The following LTBP1 variants were observed in gnomAD, a reference collection of about 807,000 sequenced individuals.
The protein encoded by LTBP1 is latent transforming growth factor beta binding protein 1, also known as latent-transforming growth factor beta-binding protein 1.
Under a neutral mutation model 207.6 loss-of-function variants are expected in LTBP1, and 129 were observed. That is an observed-to-expected ratio of 0.62 (90% confidence interval 0.54 to 0.72). The LOEUF (loss-of-function observed/expected upper bound fraction) is 0.72, where lower values mean the gene tolerates loss of function less well. Ranked by LOEUF, LTBP1 falls within the 30% of genes least tolerant of loss-of-function variation. The pLI, the probability that LTBP1 is intolerant of heterozygous loss-of-function variation, is 0.00. For synonymous variants in LTBP1, 963 were observed against 833.7 expected, an observed-to-expected ratio of 1.16 and a Z score of -2.67; for missense variants, 2,281 against 2,217.2, an observed-to-expected ratio of 1.03 and a Z score of -0.58.
intron 10 of LTBP1, among the ~76,000 whole-genome samples, chr2:33,247,452 C>T (rs963185572): frequency 2.6e-5 from 4 of 152,128 alleles, no homozygotes; most frequent in Admixed American, 2.6e-4. Flanking sequence ...AATTATAGCC[C>T]ATGGGAAAAA....
chr2:33,345,068 C>G (rs1210911454), intron 25 of LTBP1, among the ~76,000 whole-genome samples: 2 of 152,142 alleles, frequency 1.3e-5, no homozygotes, highest in African/African-American at 2.4e-5. Context: ...TTTATTATTT[C>G]AAAAATATTT....
chr2:32,983,034 A>G (rs778860865), intron 2 of LTBP1, among the ~76,000 whole-genome samples: 1 of 152,206 alleles, frequency 6.6e-6, no homozygotes, highest in Non-Finnish European at 1.5e-5. Flanking sequence ...AGCTTGCACC[A>G]TGTGCCTGGA....
chr2:33,335,397 G>A (rs553380887), intron 24 of LTBP1, among the ~76,000 whole-genome samples: 3 of 152,048 alleles, frequency 2.0e-5, no homozygotes, highest in South Asian at 2.1e-4. Context: ...CAGGGATGTC[G>A]TCTGCTGTTT....
chr2:33,090,844 G>A (rs1316720659), intron 3 of LTBP1, among the ~76,000 whole-genome samples: 2 of 152,208 alleles, frequency 1.3e-5, no homozygotes, highest in Non-Finnish European at 2.9e-5. Flanking sequence ...GAGAGGGAAG[G>A]CACTTGCTGG....
intron 4 of LTBP1, among the ~76,000 whole-genome samples, chr2:33,115,105 TACACAC>T (rs60973498): frequency 6.9e-6 from 1 of 144,006 alleles, no homozygotes; most frequent in African/African-American, 2.7e-5. Context: ...CACATATATG[TACACAC>T]ACACACACAT....
intron 31 of LTBP1, among the ~76,000 whole-genome samples, chr2:33,384,194 T>C (rs2095246070): frequency 6.6e-6 from 1 of 152,232 alleles, no homozygotes; most frequent in African/African-American, 2.4e-5. Flanking sequence ...GGATAATTTT[T>C]AAACCTTTTC....
At chr2:33,207,652 C>T (rs1291331329) in intron 7 of LTBP1, among the ~76,000 whole-genome samples, 1 of 152,218 alleles carries the variant, frequency 6.6e-6, no homozygotes, top group African/African-American at 2.4e-5. Context: ...GCCAGTTCTG[C>T]ATTGTACAGT....
chr2:33,262,851 A>C, intron 14 of LTBP1, 30 bp downstream of exon 14: 1 of 1,488,454 alleles, frequency 6.7e-7, no homozygotes, highest in East Asian at 2.3e-5. Flanking sequence ...GCTGTTTGTC[A>C]GAGTATTCTG....
At chr2:33,254,865 T>G (rs1409267293) in intron 11 of LTBP1, among the ~76,000 whole-genome samples, 6 of 113,666 alleles carry the variant, frequency 5.3e-5, no homozygotes, top group South Asian at 6.2e-4. Context: ...TTTTTTTTTT[T>G]TTTTTTTTTT....
intron 3 of LTBP1, among the ~76,000 whole-genome samples, chr2:33,085,695 A>T (rs1465170913): frequency 6.6e-6 from 1 of 152,196 alleles, no homozygotes; most frequent in Non-Finnish European, 1.5e-5. Context: ...GCATAAGATC[A>T]TATGCTTACA....
chr2:33,334,248 G>A (rs1429878945), intron 24 of LTBP1, among the ~76,000 whole-genome samples: 1 of 152,228 alleles, frequency 6.6e-6, no homozygotes, highest in African/African-American at 2.4e-5. Context: ...AATAGAGAGG[G>A]AAAGAAGGTG....
rs778250817 is a variant in LTBP1 at position 33,243,781 on chromosome 2, G to A, written c.1996G>A (p.Val666Ile). 5.6e-6 allele frequency: 9 copies of A among 1,613,614 alleles called. No homozygotes were observed. In the South Asian group the frequency reaches 8.8e-5, roughly 16 times the overall value. The change falls in exon 10 of 34, where the codon GTT (valine) becomes ATT (isoleucine). Residue 666 changes from valine (V) to isoleucine (I), a missense_variant. This residue lies in a region of LTBP1 where 1,671 missense variants were observed against 1,634.8 expected (regional missense o/e 1.02). Coordinates refer to ENST00000404816, the MANE Select transcript of LTBP1 (RefSeq NM_206943.4). ...FGPDPTFSSC[V>I]PDPPVISEEK... ...GCCGGATCCTACCTTTTCAAGTTGT[G>A]TTCGTAAGTAATAATCACTTTTTAT...
chr2:33,188,479 T>C lies in LTBP1; in HGVS notation c.1427-98T>C, dbSNP rs988234390. ...TGGCTATGCAGCAAAATGCTACACA[T>C]GCATGCATGTTTATAAAATTTACTT... On this transcript the variant is annotated intron_variant, in intron 6 of 33. Coordinates refer to ENST00000404816, the MANE Select transcript of LTBP1 (RefSeq NM_206943.4). The C allele has an allele frequency of 2.0e-5, 16 of 810,614 alleles. No individual in the cohort carries two copies. The African/African-American group carries it at 2.8e-4, about 14-fold the overall frequency. 50.2% of individuals were successfully genotyped at this position (810,614 alleles called of 1,614,324 possible).
chr2:33,072,037 C>CG (rs2077818071), intron 3 of LTBP1, among the ~76,000 whole-genome samples: 1 of 25,844 alleles, frequency 3.9e-5, no homozygotes, highest in Admixed American at 4.2e-4. Flanking sequence ...CACGAGACTG[C>CG]CCCCGTTTCA....
chr2:33,276,964 G>C (rs1455324890), intron 18 of LTBP1, among the ~76,000 whole-genome samples: 1 of 152,210 alleles, frequency 6.6e-6, no homozygotes, highest in African/African-American at 2.4e-5. Flanking sequence ...TGAGGGTGAA[G>C]GAACACGGGA....
At chr2:33,293,049 T>C (rs748015247) in intron 19 of LTBP1, 111 bp from the exon 20 acceptor site, 5 of 1,103,934 alleles carry the variant, frequency 4.5e-6, no homozygotes, top group Non-Finnish European at 6.4e-6. Context: ...TCTTTAAGAA[T>C]CTGCCTGGTC....
chr2:33,010,278 A>C (rs906748976), intron 2 of LTBP1, among the ~76,000 whole-genome samples: 3 of 152,204 alleles, frequency 2.0e-5, no homozygotes, highest in Non-Finnish European at 2.9e-5. Flanking sequence ...AGGCTGATTG[A>C]AGGGAGTTCA....
chr2:33,248,738 C>T (rs1394920507), intron 10 of LTBP1, among the ~76,000 whole-genome samples: 1 of 152,068 alleles, frequency 6.6e-6, no homozygotes, highest in Non-Finnish European at 1.5e-5. Flanking sequence ...AGGCGTGCGC[C>T]ACCACACCCG....
intron 4 of LTBP1, among the ~76,000 whole-genome samples, chr2:33,123,115 T>C (rs1460673170): frequency 2.6e-5 from 4 of 152,180 alleles, no homozygotes; most frequent in Admixed American, 1.3e-4. Context: ...TCTTTCCACA[T>C]AGAAAGAGGA....
Sources: allele counts gnomAD v4.1 joint callset (sites outside exome capture counted in the v4.1 genomes callset), GRCh38; gene constraint gnomAD v4.1.1; regional missense constraint gnomAD v4.1.1; transcripts MANE v1.5; gene names NCBI Gene and HGNC (gene_info 2026-07-23, HGNC 2026-07-21).